H6PD: variants seen among roughly 807,000 people sequenced by gnomAD.
H6PD encodes hexose-6-phosphate dehydrogenase/glucose 1-dehydrogenase.
In H6PD, 48 loss-of-function variants were observed where a neutral mutation model predicts 61.2. That is an observed-to-expected ratio of 0.78 (90% CI 0.62 to 1.00). H6PD has a LOEUF of 1.00. Ranked by LOEUF, H6PD falls within the 50% of genes least tolerant of loss-of-function variation. The pLI is 0.00. For missense variants in H6PD, 1,093 were observed against 1,065.0 expected, an observed-to-expected ratio of 1.03 and a Z score of -0.37; for synonymous variants, 480 against 457.9, an observed-to-expected ratio of 1.05 and a Z score of -0.62.
At chr1:9,235,443 C>G (rs1640825610) in intron 1 of H6PD, among the ~76,000 whole-genome samples, 1 of 152,096 alleles carries the variant, frequency 6.6e-6, no homozygotes. Flanking sequence ...GCTCACCCAA[C>G]CTTGAATGCT....
rs758165914 is a variant in H6PD, at chr1:9,264,258, C to G, written c.1765C>G (p.Leu589Val). The change falls in exon 5 of 5, where the codon CTG (leucine) becomes GTG (valine). Residue 589 changes from leucine to valine, a missense_variant. Transcript: ENST00000377403. ...GCGCTTTGGCCAGTTCCACCTGGCA[C>G]TGTCGGGGGGCTCGAGCCCCGTGGC... ...VRRFGQFHLA[L>V]SGGSSPVALF... The G allele has an allele frequency of 6.2e-7, 1 of 1,610,054 alleles. No individual in the cohort carries two copies. The highest frequency in any genetic ancestry group is 8.5e-7 in the Non-Finnish European group (1 of 1,179,264).
chr1:9,249,864 G>T (rs1641304758), intron 3 of H6PD, among the ~76,000 whole-genome samples: 1 of 152,200 alleles, frequency 6.6e-6, no homozygotes, highest in Non-Finnish European at 1.5e-5. Context: ...GCTGAGCCCA[G>T]CCCCCCAGCA....
intron 3 of H6PD, among the ~76,000 whole-genome samples, chr1:9,259,402 G>A (rs1286941619): frequency 6.6e-6 from 1 of 152,062 alleles, no homozygotes; most frequent in Admixed American, 6.5e-5. Flanking sequence ...TACACTGGTG[G>A]TGGTGTTACA....
chr1:9,264,433 C>T lies in H6PD; in HGVS notation c.1940C>T (p.Pro647Leu). 6.2e-7 allele frequency: 1 copy of T among 1,613,214 alleles called. No homozygotes were observed. The highest frequency in any genetic ancestry group is 8.5e-7 in the Non-Finnish European group (1 of 1,179,958). The change falls in exon 5 of 5, where the codon CCC (proline) becomes CTC (leucine). Residue 647 changes from proline to leucine, a missense_variant. Physicochemically the swap from Pro to Leu is moderately conservative, Grantham distance 98 (BLOSUM62 -3). Transcript: ENST00000377403. ...QAHLLQHVRI[P>L]YYNIHPMPVH... Reference sequence around the variant, plus strand: ...CACCTGCTGCAGCACGTCCGGATCCCCTACTACAACATCCACCCCATGCCT... The same window carrying T: ...CACCTGCTGCAGCACGTCCGGATCCTCTACTACAACATCCACCCCATGCCT...
At chr1:9,241,092 C>T (rs1640983777) in intron 1 of H6PD, among the ~76,000 whole-genome samples, 1 of 152,184 alleles carries the variant, frequency 6.6e-6, no homozygotes, top group Non-Finnish European at 1.5e-5. Context: ...GTGCTGTCTG[C>T]AGGGCCTGGC....
rs1291880948 is a variant in H6PD at position 9,269,271 on chromosome 1, CCT to C, written c.*4408_*4409del. On this transcript the variant is annotated 3_prime_UTR_variant, in exon 5 of 5. Coordinates refer to ENST00000377403, the MANE Select transcript of H6PD (RefSeq NM_004285.4). This position sits in a 1 kb window ranked among gnomAD's most constrained non-coding sequence, Gnocchi z 4.3. ...TCCGCTGGCTGAACTGAACGCATTC[CCT>C]CTCTCCGCAACTCTCCCGTGAGGCT... is the stretch of plus-strand genomic sequence containing the variant. 5 of 152,370 alleles carry C rather than the reference CCT, an allele frequency of 3.3e-5. No individual in the cohort carries two copies. Among genetic ancestry groups the C allele is most frequent in the African/African-American group, 9.6e-5 (4 of 41,452 alleles). 9.4% of individuals were successfully genotyped at this position (152,370 alleles called of 1,614,324 possible). A position where few individuals can be genotyped will look rare whatever the true frequency, so the allele number is the denominator to read the frequency against.
intron 2 of H6PD, among the ~76,000 whole-genome samples, chr1:9,246,287 T>C (rs1641173773): frequency 6.6e-6 from 1 of 152,196 alleles, no homozygotes. Flanking sequence ...GAGTTCTGTT[T>C]TGAGCCAGAA....
At position 9,264,027 on chromosome 1, in the gene H6PD, G is replaced by A; in HGVS notation, c.1534G>A (p.Asp512Asn). 1 of 1,614,218 alleles carries A rather than the reference G, an allele frequency of 6.2e-7. No homozygotes were observed. Among genetic ancestry groups the A allele is most frequent in the Non-Finnish European group, 8.5e-7 (1 of 1,180,046 alleles). ...PGGAENGRLL[D>N]FEFSSGRLFF... Reference sequence around the variant, plus strand: ...AGGAGCTGAGAATGGCCGTCTGTTGGACTTTGAGTTCAGTAGCGGCCGGTT... The same window carrying A: ...AGGAGCTGAGAATGGCCGTCTGTTGAACTTTGAGTTCAGTAGCGGCCGGTT... The change falls in exon 5 of 5, where the codon GAC becomes AAC. Residue 512 changes from aspartate to asparagine, a missense_variant. Asp to Asn is a conservative substitution (Grantham distance 23). Coordinates refer to ENST00000377403, the MANE Select transcript of H6PD (RefSeq NM_004285.4).
intron 3 of H6PD, among the ~76,000 whole-genome samples, chr1:9,261,070 A>G (rs925029721): frequency 1.3e-5 from 2 of 151,942 alleles, no homozygotes; most frequent in Non-Finnish European, 2.9e-5. Context: ...CCATTAGTCC[A>G]GGCCCTGTCG....
At chr1:9,250,902 T>C (rs1570100690) in intron 3 of H6PD, among the ~76,000 whole-genome samples, 1 of 152,188 alleles carries the variant, frequency 6.6e-6, no homozygotes, top group Non-Finnish European at 1.5e-5. Flanking sequence ...TGTTTTTTTT[T>C]CCTGCTGCAG....
rs146292362 is a variant in H6PD, at chr1:9,264,531, C to G, written c.2038C>G (p.Leu680Val). 38 of 1,613,260 alleles carry G rather than the reference C, an allele frequency of 2.4e-5. No homozygotes were observed. The African/African-American group carries it at 4.7e-4, about 20-fold the overall frequency. The change falls in exon 5 of 5, where the codon CTG becomes GTG. Residue 680 changes from leucine to valine, a missense_variant. Transcript: ENST00000377403. ...AQIYAREISA[L>V]VANSSFDLVL... ...GATCTATGCCAGGGAGATCTCAGCC[C>G]TGGTGGCCAACAGCAGCTTCGACCT... is the stretch of plus-strand genomic sequence containing the variant.
rs1003478489 is a variant in H6PD at position 9,245,406 on chromosome 1, A to G, written c.472A>G (p.Ser158Gly). 1 of 1,613,984 alleles carries G rather than the reference A, an allele frequency of 6.2e-7. No individual in the cohort carries two copies. Among genetic ancestry groups the G allele is most frequent in the African/African-American group, 1.3e-5 (1 of 74,920 alleles). The change falls in exon 2 of 5, where the codon AGT (serine) becomes GGT (glycine). Residue 158 changes from serine (S) to glycine (G), a missense_variant. Transcript: ENST00000377403. This position sits in a 1 kb window ranked among gnomAD's most constrained non-coding sequence, Gnocchi z 4.8. ...TGAAGACATTGCCCGCAACATCAAC[A>G]GTAGCTGCCGGCCAGGCCCGGGCGC... ...AYEDIARNIN[S>G]SCRPGPGAWL...
At chr1:9,258,122 G>A (rs1641578295) in intron 3 of H6PD, among the ~76,000 whole-genome samples, 2 of 152,224 alleles carry the variant, frequency 1.3e-5, no homozygotes, top group Admixed American at 6.5e-5. Flanking sequence ...GGGGAGGAGC[G>A]GCGCGGGCCG....
chr1:9,243,323 A>C (rs774355601), intron 1 of H6PD, among the ~76,000 whole-genome samples: 20 of 152,254 alleles, frequency 1.3e-4, no homozygotes, highest in African/African-American at 4.8e-4. Flanking sequence ...TTAAACCTCA[A>C]CTTCTCCATT....
chr1:9,252,399 T>G (rs1641396072), intron 3 of H6PD, among the ~76,000 whole-genome samples: 1 of 152,222 alleles, frequency 6.6e-6, no homozygotes, highest in South Asian at 2.1e-4. Context: ...TTCTAGTTTT[T>G]TGCTATTTTA....
At position 9,263,865 on chromosome 1, in the gene H6PD, C is replaced by T; in HGVS notation, c.1372C>T (p.His458Tyr). 6.2e-7 allele frequency: 1 copy of T among 1,614,078 alleles called. No homozygotes were observed. The highest frequency in any genetic ancestry group is 8.5e-7 in the Non-Finnish European group (1 of 1,180,024). ...AYSPVRERDA[H>Y]SVLLSHIFHG... Reference sequence around the variant, plus strand: ...CAGCCCTGTGCGGGAGCGGGACGCCCACTCCGTCCTCTTATCCCATATCTT... The same window carrying T: ...CAGCCCTGTGCGGGAGCGGGACGCCTACTCCGTCCTCTTATCCCATATCTT... The change falls in exon 5 of 5, where the codon CAC becomes TAC. Residue 458 changes from histidine to tyrosine, a missense_variant. Physicochemically the swap from His to Tyr is moderately conservative, Grantham distance 83. Transcript: ENST00000377403.
intron 3 of H6PD, among the ~76,000 whole-genome samples, chr1:9,260,487 A>G (rs184183444): frequency 2.0e-5 from 3 of 151,658 alleles, no homozygotes; most frequent in African/African-American, 4.8e-5. Flanking sequence ...TGTTGCTGTT[A>G]CGCCAGTGTT....
rs1638698724 is a variant in H6PD, at chr1:9,270,036, GATCCCTTT to G, written c.*5168_*5175del. 1.3e-5 allele frequency: 2 copies of G among 152,742 alleles called. No homozygotes were observed. Among genetic ancestry groups the G allele is most frequent in the South Asian group, 4.1e-4 (2 of 4,830 alleles). 9.5% of individuals were successfully genotyped at this position (152,742 alleles called of 1,614,324 possible). On this transcript the variant is annotated 3_prime_UTR_variant, in exon 5 of 5. Coordinates refer to ENST00000377403, the MANE Select transcript of H6PD (RefSeq NM_004285.4). Reference sequence around the variant, plus strand: ...GAGTCCAGCAAGCCAGGGGGAAGATGATCCCTTTGCCGAAGTGTACCCTCTAGCCAACT... The same window carrying G: ...GAGTCCAGCAAGCCAGGGGGAAGATGGCCGAAGTGTACCCTCTAGCCAACT...
At chr1:9,262,635 C>A (rs1339554583) in intron 4 of H6PD, among the ~76,000 whole-genome samples, 1 of 152,190 alleles carries the variant, frequency 6.6e-6, no homozygotes, top group Non-Finnish European at 1.5e-5. Flanking sequence ...GTTCCTGCCT[C>A]ATAGGGTCTC....
Sources: allele counts gnomAD v4.1 joint callset (sites outside exome capture counted in the v4.1 genomes callset), GRCh38; gene constraint gnomAD v4.1.1; non-coding constraint Gnocchi (gnomAD v3.1); transcripts MANE v1.5; gene names NCBI Gene and HGNC (gene_info 2026-07-23, HGNC 2026-07-21).